Variants in VTI1A observed in about 807,000 individuals in gnomAD.
VTI1A encodes the protein vesicle transport through interaction with t-SNAREs 1A, also known as vesicle transport through interaction with t-SNAREs homolog 1A.
Under a neutral mutation model 34.9 loss-of-function variants are expected in VTI1A, and 22 were observed. The ratio of observed to expected loss-of-function variants is 0.63; its 90% CI spans 0.45 to 0.90. The LOEUF (loss-of-function observed/expected upper bound fraction) is 0.90. VTI1A is among the 40% of genes least tolerant of loss of function. The pLI is 0.00. For synonymous variants in VTI1A, 87 were observed against 97.3 expected, an observed-to-expected ratio of 0.89 and a Z score of 0.62; for missense variants, 268 against 275.6, an observed-to-expected ratio of 0.97 and a Z score of 0.20.
intron 5 of VTI1A, among the ~76,000 whole-genome samples, chr10:112,615,067 GA>G (rs1039568682): frequency 6.6e-6 from 1 of 151,586 alleles, no homozygotes; most frequent in Admixed American, 6.6e-5. Context: ...ATTATTAGCT[GA>G]AAAAAAACCT....
chr10:112,634,932 T>TAC (rs1272051959), intron 5 of VTI1A, among the ~76,000 whole-genome samples: 1 of 152,142 alleles, frequency 6.6e-6, no homozygotes, highest in African/African-American at 2.4e-5. Context: ...AACTCTGGGG[T>TAC]TGAATCCTGG....
chr10:112,834,606 C>T, the VTI1A span, among the ~76,000 whole-genome samples: 2 of 152,234 alleles, frequency 1.3e-5, no homozygotes, highest in Non-Finnish European at 2.9e-5. Context: ...TTGTTACCAC[C>T]TCTCCATTCT....
intron 7 of VTI1A, among the ~76,000 whole-genome samples, chr10:112,796,633 G>C (rs1445625893): frequency 6.6e-6 from 1 of 152,178 alleles, no homozygotes; most frequent in Non-Finnish European, 1.5e-5. Context: ...GTTGGCCCTG[G>C]TGTGGGCAAG....
At chr10:112,819,550 G>A (rs1052320647), downstream of VTI1A, among the ~76,000 whole-genome samples, 7 of 152,280 alleles carry the variant, frequency 4.6e-5, no homozygotes, top group Admixed American at 6.5e-5. Flanking sequence ...TTGGGGGTAT[G>A]TCTTGGGCAT....
At chr10:112,672,139 G>A (rs112617678) in intron 7 of VTI1A, among the ~76,000 whole-genome samples, 156 of 150,496 alleles carry the variant, frequency 1.0e-3, no homozygotes, top group African/African-American at 3.7e-3. Flanking sequence ...TAAAAAATAC[G>A]AGTTAAATGG....
chr10:112,749,898 T>C (rs2133990136), intron 7 of VTI1A, among the ~76,000 whole-genome samples: 1 of 152,304 alleles, frequency 6.6e-6, no homozygotes, highest in African/African-American at 2.4e-5. Flanking sequence ...GCATACTATA[T>C]AGCTGTTAAG....
At chr10:112,842,050 C>CTTTTTTTTTTTTTT in the VTI1A span, among the ~76,000 whole-genome samples, 13 of 93,142 alleles carry the variant, frequency 1.4e-4, no homozygotes, top group South Asian at 6.9e-4. Flanking sequence ...TTTTTTTTTT[C>CTTTTTTTTTTTTTT]CTTTTTTTTT....
intron 7 of VTI1A, among the ~76,000 whole-genome samples, chr10:112,717,549 A>G (rs976007876): frequency 2.6e-5 from 4 of 152,074 alleles, no homozygotes; most frequent in African/African-American, 9.7e-5. Context: ...TCATTAGTCA[A>G]AAGGCCCTTC....
chr10:112,620,429 G>C (rs1845688036), intron 5 of VTI1A, among the ~76,000 whole-genome samples: 1 of 152,180 alleles, frequency 6.6e-6, no homozygotes, highest in South Asian at 2.1e-4. Flanking sequence ...AGGCCTATAA[G>C]AGAGGAAGAA....
At chr10:112,699,634 C>T (rs1451459628) in intron 7 of VTI1A, among the ~76,000 whole-genome samples, 1 of 151,634 alleles carries the variant, frequency 6.6e-6, no homozygotes, top group Non-Finnish European at 1.5e-5. Context: ...AGATCAAGAC[C>T]GTCCTGGCCA....
chr10:112,735,654 G>A (rs967534396), intron 7 of VTI1A, among the ~76,000 whole-genome samples: 1 of 152,054 alleles, frequency 6.6e-6, no homozygotes, highest in Non-Finnish European at 1.5e-5. Context: ...TTTTCAATAT[G>A]GGCTTCATAA....
the VTI1A span, among the ~76,000 whole-genome samples, chr10:112,850,225 T>C: frequency 4.6e-5 from 7 of 152,222 alleles, no homozygotes; most frequent in East Asian, 1.4e-3. Flanking sequence ...TACCTGGCTT[T>C]GGAGACACCC....
intron 7 of VTI1A, among the ~76,000 whole-genome samples, chr10:112,807,147 T>TGTGCA (rs1853114586): frequency 7.3e-6 from 1 of 136,666 alleles, no homozygotes; most frequent in Non-Finnish European, 1.6e-5. Flanking sequence ...CCACAGTAAA[T>TGTGCA]GTGCAGTGCA....
At chr10:112,781,020 C>G (rs1852107210) in intron 7 of VTI1A, among the ~76,000 whole-genome samples, 1 of 152,150 alleles carries the variant, frequency 6.6e-6, no homozygotes, top group Non-Finnish European at 1.5e-5. Context: ...TCTCGGCTCA[C>G]TGCAACCTCC....
chr10:112,619,151 G>A (rs1456728303), intron 5 of VTI1A, among the ~76,000 whole-genome samples: 1 of 151,398 alleles, frequency 6.6e-6, no homozygotes, highest in African/African-American at 2.4e-5. Flanking sequence ...AAGTAAACTA[G>A]CAGGTATTTT....
chr10:112,537,317 A>G (rs1850676292), intron 4 of VTI1A, among the ~76,000 whole-genome samples: 1 of 89,224 alleles, frequency 1.1e-5, no homozygotes, highest in African/African-American at 4.6e-5. Flanking sequence ...CTAGGTATAT[A>G]TATATATATA....
the VTI1A span, among the ~76,000 whole-genome samples, chr10:112,836,504 G>T: frequency 1.3e-5 from 2 of 152,144 alleles, no homozygotes; most frequent in East Asian, 3.8e-4. Context: ...TAATATAAAA[G>T]AGAACTTCAA....
chr10:112,820,107 C>A (rs1035465404), downstream of VTI1A, among the ~76,000 whole-genome samples: 4 of 152,200 alleles, frequency 2.6e-5, no homozygotes, highest in African/African-American at 7.2e-5. Context: ...GGCCTCAAGC[C>A]TCTTTGGTTA....
chr10:112,717,216 G>C (rs1849640853), intron 7 of VTI1A, among the ~76,000 whole-genome samples: 1 of 152,206 alleles, frequency 6.6e-6, no homozygotes, highest in Non-Finnish European at 1.5e-5. Context: ...TTATTTACAT[G>C]TCCAGAGGTC....
Sources: gnomAD v4.1 joint callset for allele counts (sites outside exome capture counted in the v4.1 genomes callset) on GRCh38, gnomAD v4.1.1 for gene constraint, MANE v1.5 for transcripts, NCBI Gene and HGNC (gene_info 2026-07-23, HGNC 2026-07-21) for gene names.